FGF12: variants seen among roughly 807,000 people sequenced by gnomAD.
The protein encoded by FGF12 is fibroblast growth factor 12B.
A neutral mutation model predicts 23.6 loss-of-function variants in FGF12; 14 were observed. That is an observed-to-expected ratio of 0.59 (90% CI 0.39 to 0.93). The LOEUF (loss-of-function observed/expected upper bound fraction) is 0.93, where lower values mean the gene tolerates loss of function less well. FGF12 is among the 40% of genes least tolerant of loss of function. The probability of loss-of-function intolerance (pLI) is 0.00; values close to 1 mark genes in which losing one functional copy is unlikely to be tolerated. For missense variants in FGF12, 175 were observed against 217.8 expected (o/e 0.80, Z 1.24); for synonymous variants, 62 against 77.3 (o/e 0.80, Z 1.04).
intron 4 of FGF12, among the ~76,000 whole-genome samples, chr3:192,291,383 C>A (rs1333240911): frequency 6.6e-6 from 1 of 151,960 alleles, no homozygotes; most frequent in Admixed American, 6.6e-5. Flanking sequence ...GAGTTTAAGA[C>A]CAACCTGGGC....
In FGF12 at chr3:192,319,204, T is replaced by C. The variant is rs551689793; in HGVS notation, c.228+16157A>G. Among the ~76,000 whole-genome samples, 4 of 152,306 alleles carry C rather than the reference T, an allele frequency of 2.6e-5. No homozygotes were observed. The South Asian group carries it at 6.2e-4, about 24-fold the overall frequency. ...AGGGCAAAAAATTCACTGGTAATAG[T>C]AAACACACAGAAAACACAGAATATT... On this transcript the variant is annotated intron_variant, in intron 4 of 5. Coordinates refer to ENST00000445105, the MANE Select transcript of FGF12 (RefSeq NM_004113.6).
chr3:192,362,613 C>T (rs1171244437), intron 2 of FGF12, among the ~76,000 whole-genome samples: 3 of 152,072 alleles, frequency 2.0e-5, no homozygotes, highest in South Asian at 2.1e-4. Flanking sequence ...TGTGTGGCCC[C>T]GATCAACTCA....
At chr3:192,258,806 C>T (rs961142755) in intron 4 of FGF12, among the ~76,000 whole-genome samples, 4 of 152,026 alleles carry the variant, frequency 2.6e-5, no homozygotes, top group African/African-American at 7.2e-5. Context: ...AAGCAGTGAA[C>T]GACTTGTGAA....
intron 2 of FGF12, among the ~76,000 whole-genome samples, chr3:192,645,861 G>A (rs9881554): frequency 0.58 from 86,661 of 148,450 alleles, 25,441 homozygotes; most frequent in Middle Eastern, 0.68. Context: ...GCAAATCCAC[G>A]ATAACAAATT....
chr3:192,184,786 C>T (rs559693000), intron 4 of FGF12, among the ~76,000 whole-genome samples: 1 of 152,274 alleles, frequency 6.6e-6, no homozygotes, highest in Non-Finnish European at 1.5e-5. Context: ...GAAATGAAAT[C>T]GTTCTCCAAA....
intron 2 of FGF12, among the ~76,000 whole-genome samples, chr3:192,558,146 C>G (rs906900184): frequency 1.5e-4 from 23 of 151,670 alleles, no homozygotes; most frequent in Non-Finnish European, 2.8e-4. Context: ...TCTCTGTTCT[C>G]AAATAACATG....
Position 192,253,037 on chromosome 3 carries a change from A to G in FGF12, c.228+82324T>C, listed in dbSNP as rs146248550. On this transcript the variant is annotated intron_variant, in intron 4 of 5. Coordinates refer to ENST00000445105, the MANE Select transcript of FGF12 (RefSeq NM_004113.6). The stretch of plus-strand genomic sequence containing the variant: ...GATTTATGAATTGATCAATGGATCC[A>G]GAGGTTATTTCTGACCAATGGCATA... Among the ~76,000 whole-genome samples, 98 of 152,298 alleles carry G rather than the reference A, an allele frequency of 6.4e-4. 1 individual carries two copies. Among genetic ancestry groups the G allele is most frequent in the African/African-American group, 2.3e-3 (97 of 41,592 alleles).
At chr3:192,437,238 A>T (rs1295722297) in intron 2 of FGF12, among the ~76,000 whole-genome samples, 10 of 152,042 alleles carry the variant, frequency 6.6e-5, no homozygotes, top group Admixed American at 2.6e-4. Context: ...TAACAATACC[A>T]CTCTCAAAAT....
At chr3:192,237,473 C>T (rs540546177) in intron 4 of FGF12, among the ~76,000 whole-genome samples, 5 of 152,266 alleles carry the variant, frequency 3.3e-5, no homozygotes, top group Non-Finnish European at 5.9e-5. Context: ...GGAATGACAA[C>T]GAGTTACAGG....
At chr3:192,711,551 G>T (rs1364097998) in intron 2 of FGF12, among the ~76,000 whole-genome samples, 2 of 152,214 alleles carry the variant, frequency 1.3e-5, no homozygotes, top group Non-Finnish European at 2.9e-5. Flanking sequence ...TTGTTGCTGT[G>T]TCTGTGTAGA....
intron 4 of FGF12, among the ~76,000 whole-genome samples, chr3:192,253,454 A>C (rs144553048): frequency 1.3e-5 from 2 of 152,222 alleles, no homozygotes; most frequent in East Asian, 3.9e-4. Context: ...GAACAAAAGT[A>C]AGAAAGAATG....
chr3:192,604,430 C>T (rs1714252313), intron 2 of FGF12, among the ~76,000 whole-genome samples: 1 of 152,182 alleles, frequency 6.6e-6, no homozygotes, highest in South Asian at 2.1e-4. Flanking sequence ...TTATGTTCCT[C>T]TTCTTCAGCT....
chr3:192,552,772 C>T (rs781404), intron 2 of FGF12, among the ~76,000 whole-genome samples: 109,467 of 151,928 alleles, frequency 0.72, 39,795 homozygotes, highest in African/African-American at 0.81. Context: ...GCACCTGTAA[C>T]ACCAGCTACT....
chr3:192,664,856 C>T (rs1204398988), intron 2 of FGF12, among the ~76,000 whole-genome samples: 3 of 152,136 alleles, frequency 2.0e-5, no homozygotes, highest in Non-Finnish European at 4.4e-5. Flanking sequence ...ATAAAGAATC[C>T]AGTACAAATT....
intron 4 of FGF12, among the ~76,000 whole-genome samples, chr3:192,316,718 C>G (rs1716244180): frequency 6.6e-6 from 1 of 152,248 alleles, no homozygotes; most frequent in East Asian, 1.9e-4. Context: ...GGGCTGGGCT[C>G]TGAGTGGACT....
chr3:192,506,066 G>A (rs1440626220), intron 2 of FGF12, among the ~76,000 whole-genome samples: 1 of 152,212 alleles, frequency 6.6e-6, no homozygotes, highest in Non-Finnish European at 1.5e-5. Flanking sequence ...TGGGCCCAGT[G>A]GGTCAAAAGG....
At chr3:192,628,519 G>A (rs1243263268) in intron 2 of FGF12, among the ~76,000 whole-genome samples, 1 of 149,416 alleles carries the variant, frequency 6.7e-6, no homozygotes, top group African/African-American at 2.5e-5. Flanking sequence ...TAGTGTGTGT[G>A]TGTATATATA....
At chr3:192,682,357 C>T (rs1003539117) in intron 2 of FGF12, among the ~76,000 whole-genome samples, 1 of 152,086 alleles carries the variant, frequency 6.6e-6, no homozygotes, top group Admixed American at 6.6e-5. Context: ...CGTCCGGGTC[C>T]CAAATCTGAG....
intron 2 of FGF12, among the ~76,000 whole-genome samples, chr3:192,407,764 T>A (rs1290064835): frequency 6.6e-6 from 1 of 151,868 alleles, no homozygotes; most frequent in Non-Finnish European, 1.5e-5. Context: ...CTCTACAGGC[T>A]CTTTTGGAAT....
Sources: gnomAD v4.1 joint callset for allele counts (sites outside exome capture counted in the v4.1 genomes callset) on GRCh38, gnomAD v4.1.1 for gene constraint, MANE v1.5 for transcripts, NCBI Gene and HGNC (gene_info 2026-07-23, HGNC 2026-07-21) for gene names.